Variants in CREBBP observed in about 807,000 individuals in gnomAD.
CREBBP encodes CREB-binding protein.
Under a neutral mutation model 265.0 loss-of-function variants are expected in CREBBP, and 19 were observed. The ratio of observed to expected loss-of-function variants is 0.07; its 90% CI spans 0.05 to 0.11. CREBBP has a LOEUF of 0.11. Ranked by LOEUF, CREBBP falls within the 10% of genes least tolerant of loss-of-function variation. The pLI, the probability that CREBBP is intolerant of heterozygous loss-of-function variation, is 1.00. For missense variants in CREBBP, 2,525 were observed against 3,219.0 expected (o/e 0.78, Z 5.22); for synonymous variants, 1,457 against 1,223.7 (o/e 1.19, Z -3.98).
intron 12 of CREBBP, 135 bp downstream of exon 12, chr16:3,774,434 G>C: frequency 8.5e-7 from 1 of 1,183,000 alleles, no homozygotes; most frequent in Non-Finnish European, 1.2e-6. Flanking sequence ...AATGAGAGAT[G>C]AAAGAAATAA....
Position 3,751,797 on chromosome 16 carries a change from G to A in CREBBP, c.3708C>T (p.Phe1236=), listed in dbSNP as rs1294083305. ...GGATCTCTGTGAAACACTTCTCACA[G>A]AAATGATACCTGTCAGCAAGAAGGC... ...AYYSYQNRYH[F]CEKCFTEIQG... The change falls in exon 20 of 31, where the codon TTC becomes TTT. Residue 1236 remains phenylalanine, a synonymous_variant. Coordinates refer to ENST00000262367, the MANE Select transcript of CREBBP (RefSeq NM_004380.3). The A allele has an allele frequency of 5.0e-6, 8 of 1,614,038 alleles. No individual in the cohort carries two copies. In the Admixed American group the frequency reaches 1.3e-4, roughly 27 times the overall value.
intron 16 of CREBBP, among the ~76,000 whole-genome samples, chr16:3,763,303 C>T (rs1212653193): frequency 6.6e-6 from 1 of 151,926 alleles, no homozygotes. Flanking sequence ...GGACTATAAG[C>T]ATGCACCACC....
chr16:3,762,237 C>A (rs2052736586), intron 16 of CREBBP, among the ~76,000 whole-genome samples: 1 of 152,218 alleles, frequency 6.6e-6, no homozygotes, highest in South Asian at 2.1e-4. Flanking sequence ...GGCCTGCAGA[C>A]CCTGTCACCG....
At chr16:3,830,153 T>C (rs903368657) in intron 2 of CREBBP, among the ~76,000 whole-genome samples, 6 of 152,098 alleles carry the variant, frequency 3.9e-5, no homozygotes, top group African/African-American at 1.4e-4. Flanking sequence ...TCCCAGCACT[T>C]TGGGAGGTCG....
At chr16:3,796,318 T>C (rs2053607011) in intron 3 of CREBBP, among the ~76,000 whole-genome samples, 1 of 152,090 alleles carries the variant, frequency 6.6e-6, no homozygotes, top group African/African-American at 2.4e-5. Flanking sequence ...TGGGCTCAAC[T>C]GATCTTCCCA....
intron 11 of CREBBP, 93 bp from the exon 12 acceptor site, chr16:3,774,786 G>A: frequency 6.7e-7 from 1 of 1,484,186 alleles, no homozygotes; most frequent in Non-Finnish European, 9.3e-7. Context: ...AAAATAAGAT[G>A]GAACGCACAG....
At chr16:3,779,516 G>T (rs1354341004) in intron 8 of CREBBP, among the ~76,000 whole-genome samples, 1 of 152,152 alleles carries the variant, frequency 6.6e-6, no homozygotes, top group Non-Finnish European at 1.5e-5. Context: ...TACAAAATCA[G>T]GATCATGTAT....
At chr16:3,756,556 C>G (rs2052591113) in intron 19 of CREBBP, among the ~76,000 whole-genome samples, 1 of 152,220 alleles carries the variant, frequency 6.6e-6, no homozygotes, top group East Asian at 1.9e-4. Context: ...TCACAAAACC[C>G]TGAAATGGCC....
chr16:3,880,661 C>T lies in CREBBP; in HGVS notation c.-745G>A, dbSNP rs1259574129. Reference sequence around the variant, plus strand: ...GACCGGCGGGGCCGAGTAGATCGCGCTCGAAGCCCCGGTCGGGTCCGCGAC... The same window carrying T: ...GACCGGCGGGGCCGAGTAGATCGCGTTCGAAGCCCCGGTCGGGTCCGCGAC... On this transcript the variant is annotated 5_prime_UTR_variant, in exon 1 of 31. Transcript: ENST00000262367. 3 of 147,592 alleles carry T rather than the reference C, an allele frequency of 2.0e-5. No individual in the cohort carries two copies. Among genetic ancestry groups the T allele is most frequent in the Non-Finnish European group, 3.0e-5 (2 of 66,358 alleles). The allele number at this position is 147,592 out of a possible 1,614,324, so 9.1% of individuals were successfully genotyped here. A position where few individuals can be genotyped will look rare whatever the true frequency, so the allele number is the denominator to read the frequency against.
At chr16:3,796,148 T>A (rs990417631) in intron 3 of CREBBP, among the ~76,000 whole-genome samples, 83 of 152,328 alleles carry the variant, frequency 5.4e-4, no homozygotes, top group African/African-American at 1.8e-3. Context: ...AAAAAAATTA[T>A]ATAAAAATTA....
In CREBBP at chr16:3,850,503, T is replaced by G; in HGVS notation, c.592A>C (p.Ile198Leu). 1 of 1,614,248 alleles carries G rather than the reference T, an allele frequency of 6.2e-7. No homozygotes were observed. The highest frequency in any genetic ancestry group is 8.5e-7 in the Non-Finnish European group (1 of 1,180,048). ...GCCTGCCCTTGTGAAGCCTGATTAA[T>G]TAAGCTATGGCCAGAGTTACTATTG... The part of the protein sequence containing the change: ...LLNSNSGHSL[I>L]NQASQGQAQV... Residue 198 changes from isoleucine to leucine, a missense_variant, in exon 2 of 31, where the codon ATT becomes CTT. Around this residue, in one of 19 missense-constraint regions of CREBBP, gnomAD observed 356 missense variants for 340.4 expected, o/e 1.05. Coordinates refer to ENST00000262367, the MANE Select transcript of CREBBP (RefSeq NM_004380.3).
At chr16:3,824,758 G>A (rs890958754) in intron 2 of CREBBP, among the ~76,000 whole-genome samples, 1 of 152,166 alleles carries the variant, frequency 6.6e-6, no homozygotes, top group Admixed American at 6.5e-5. Context: ...GGTGCTTCCC[G>A]TTCTACTGTA....
intron 3 of CREBBP, among the ~76,000 whole-genome samples, chr16:3,802,048 T>C (rs1329243904): frequency 2.0e-5 from 3 of 151,100 alleles, no homozygotes; most frequent in Admixed American, 6.6e-5. Flanking sequence ...CCTCAACCAC[T>C]GTGTATACTC....
rs28637817 is a variant in CREBBP, at chr16:3,733,401, G to T, written c.4729-1464C>A. Among the ~76,000 whole-genome samples the T allele has an allele frequency of 5.3e-3, 806 of 151,112 alleles. 5 individuals are homozygous for T. Among genetic ancestry groups the T allele is most frequent in the African/African-American group, 0.018 (752 of 41,044 alleles). ...AAAATTCCCACCCCACCGACAAGCA[G>T]CCCGAGGAGCCCAAATATCACGTGG... is the stretch of plus-strand genomic sequence containing the variant. On this transcript the variant is annotated intron_variant, in intron 28 of 30. Coordinates refer to ENST00000262367, the MANE Select transcript of CREBBP (RefSeq NM_004380.3).
At chr16:3,735,019 A>C (rs1347801606) in intron 28 of CREBBP, among the ~76,000 whole-genome samples, 2 of 152,068 alleles carry the variant, frequency 1.3e-5, no homozygotes, top group Non-Finnish European at 2.9e-5. Flanking sequence ...AACGTTCGTC[A>C]TCGCTCTCCC....
At chr16:3,737,429 C>T (rs2052091022) in intron 26 of CREBBP, among the ~76,000 whole-genome samples, 1 of 151,422 alleles carries the variant, frequency 6.6e-6, no homozygotes, top group African/African-American at 2.4e-5. Context: ...CAGCAAGGGG[C>T]AGGAGGAACA....
intron 2 of CREBBP, among the ~76,000 whole-genome samples, chr16:3,846,205 T>G (rs918525867): frequency 6.6e-6 from 1 of 152,150 alleles, no homozygotes; most frequent in African/African-American, 2.4e-5. Context: ...GGACAAAGAT[T>G]ATGAACAATC....
At chr16:3,747,931 T>C (rs2052382405) in intron 21 of CREBBP, among the ~76,000 whole-genome samples, 1 of 151,878 alleles carries the variant, frequency 6.6e-6, no homozygotes, top group Non-Finnish European at 1.5e-5. Context: ...CTACTAAAAA[T>C]ACAAAAAAAT....
chr16:3,833,990 A>C (rs924614726), intron 2 of CREBBP, among the ~76,000 whole-genome samples: 9 of 152,234 alleles, frequency 5.9e-5, no homozygotes, highest in African/African-American at 1.7e-4. Context: ...TCATCAAAGA[A>C]GACACACAGA....
Sources: allele counts gnomAD v4.1 joint callset (sites outside exome capture counted in the v4.1 genomes callset), GRCh38; gene constraint gnomAD v4.1.1; regional missense constraint gnomAD v4.1.1; transcripts MANE v1.5; gene names NCBI Gene and HGNC (gene_info 2026-07-23, HGNC 2026-07-21).